The following FHIP1A variants were observed in gnomAD, a reference collection of about 807,000 sequenced individuals.
FHIP1A encodes the protein FHF complex subunit HOOK-interacting protein 1A.
FHIP1A carries 61 observed loss-of-function variants against 88.6 expected under a neutral mutation model. That is an observed-to-expected ratio of 0.69 (90% CI 0.56 to 0.85). FHIP1A has a LOEUF of 0.85. Among genes scored for constraint, FHIP1A ranks in the 40% least tolerant of loss-of-function variants. The probability of loss-of-function intolerance (pLI) is 0.00; values close to 1 mark genes in which losing one functional copy is unlikely to be tolerated. For synonymous variants in FHIP1A, 478 were observed against 496.0 expected (o/e 0.96, Z 0.48); for missense variants, 1,154 against 1,273.5 (o/e 0.91, Z 1.43).
chr4:151,582,693 G>A (rs192059125), intron 5 of FHIP1A, among the ~76,000 whole-genome samples: 156 of 152,216 alleles, frequency 1.0e-3, no homozygotes, highest in Non-Finnish European at 1.9e-3. Context: ...AAAAATAAGT[G>A]CAAATAAGTG....
At chr4:151,660,058 T>C (rs1408857452) in intron 13 of FHIP1A, among the ~76,000 whole-genome samples, 1 of 152,206 alleles carries the variant, frequency 6.6e-6, no homozygotes, top group Admixed American at 6.5e-5. Context: ...GGCCCCAGTT[T>C]ACAGAGATGG....
At chr4:151,463,099 C>T (rs1022985022) in intron 2 of FHIP1A, among the ~76,000 whole-genome samples, 3 of 152,166 alleles carry the variant, frequency 2.0e-5, no homozygotes, top group Non-Finnish European at 2.9e-5. Flanking sequence ...ATTGCCAAAG[C>T]AACTCAGAAA....
intron 1 of FHIP1A, among the ~76,000 whole-genome samples, chr4:151,445,269 G>A (rs946248776): frequency 3.9e-5 from 6 of 152,104 alleles, no homozygotes; most frequent in African/African-American, 1.4e-4. Context: ...CCCAGCATAG[G>A]AACCTCAGTC....
chr4:151,562,693 TAA>T (rs1293198386), intron 3 of FHIP1A, among the ~76,000 whole-genome samples: 1 of 152,186 alleles, frequency 6.6e-6, no homozygotes, highest in East Asian at 1.9e-4. Flanking sequence ...GTTTATAATT[TAA>T]GTTTAGTCTG....
intron 7 of FHIP1A, among the ~76,000 whole-genome samples, chr4:151,621,739 G>A (rs1349120508): frequency 6.6e-6 from 1 of 151,974 alleles, no homozygotes; most frequent in Non-Finnish European, 1.5e-5. Flanking sequence ...TCAGCATTCA[G>A]TAGTATTGTC....
intron 2 of FHIP1A, among the ~76,000 whole-genome samples, chr4:151,464,517 A>G (rs1250509026): frequency 6.6e-6 from 1 of 152,186 alleles, no homozygotes; most frequent in African/African-American, 2.4e-5. Context: ...ATGAAGGACT[A>G]CTATATTAAG....
At chr4:151,515,762 A>G (rs1022483034) in intron 3 of FHIP1A, among the ~76,000 whole-genome samples, 15 of 152,172 alleles carry the variant, frequency 9.9e-5, no homozygotes, top group African/African-American at 3.6e-4. Flanking sequence ...GGACCTCTTC[A>G]AGGAGAACTA....
chr4:151,533,241 A>T (rs1731944488), intron 3 of FHIP1A, among the ~76,000 whole-genome samples: 1 of 152,034 alleles, frequency 6.6e-6, no homozygotes, highest in African/African-American at 2.4e-5. Flanking sequence ...CAAAAATTTT[A>T]AAAAATTAGC....
At chr4:151,418,122 GGAT>G (rs946756228) in intron 1 of FHIP1A, among the ~76,000 whole-genome samples, 1 of 141,130 alleles carries the variant, frequency 7.1e-6, no homozygotes, top group Non-Finnish European at 1.5e-5. Flanking sequence ...CAGTGACACA[GGAT>G]GATGTCACTG....
At chr4:151,426,999 T>G (rs4566638) in intron 1 of FHIP1A, among the ~76,000 whole-genome samples, 53,420 of 151,862 alleles carry the variant, frequency 0.35, 9,998 homozygotes, top group Non-Finnish European at 0.43. Context: ...ATATCAGAAG[T>G]GTAATATTTC....
At chr4:151,646,502 C>T (rs1174287668) in intron 9 of FHIP1A, 56 bp from the exon 10 acceptor site, 1 of 1,269,318 alleles carries the variant, frequency 7.9e-7, no homozygotes, top group Non-Finnish European at 1.1e-6. Flanking sequence ...TAGTTAGTCC[C>T]AGTAATGGTT....
chr4:151,654,893 CAT>C (rs1737170214), intron 11 of FHIP1A, among the ~76,000 whole-genome samples: 1 of 152,192 alleles, frequency 6.6e-6, no homozygotes, highest in Non-Finnish European at 1.5e-5. Context: ...AAATGCCACA[CAT>C]GAGGGGATGG....
intron 1 of FHIP1A, among the ~76,000 whole-genome samples, chr4:151,453,450 A>G (rs1728864869): frequency 6.6e-6 from 1 of 152,212 alleles, no homozygotes. Flanking sequence ...TTTGTCATCT[A>G]CAATAGGGAT....
chr4:151,570,272 T>C (rs1578765399), intron 4 of FHIP1A, among the ~76,000 whole-genome samples: 1 of 152,130 alleles, frequency 6.6e-6, no homozygotes, highest in Non-Finnish European at 1.5e-5. Context: ...AGGCACTCCT[T>C]CTTCTTTCTG....
intron 3 of FHIP1A, among the ~76,000 whole-genome samples, chr4:151,564,061 A>G (rs1733284434): frequency 6.6e-6 from 1 of 152,204 alleles, no homozygotes. Context: ...TTGGCTATTT[A>G]TCCTGTCTAT....
intron 3 of FHIP1A, among the ~76,000 whole-genome samples, chr4:151,509,224 G>A (rs10857261): frequency 0.12 from 18,892 of 151,986 alleles, 1,290 homozygotes; most frequent in African/African-American, 0.17. Context: ...GTGCAGTGGC[G>A]TGATCTCGGC....
chr4:151,581,521 A>G (rs1177422753), intron 5 of FHIP1A, among the ~76,000 whole-genome samples: 3 of 152,224 alleles, frequency 2.0e-5, no homozygotes, highest in Non-Finnish European at 1.5e-5. Flanking sequence ...TTATAAAAAC[A>G]TATTTTAAAA....
intron 7 of FHIP1A, among the ~76,000 whole-genome samples, chr4:151,595,931 A>G (rs1734629920): frequency 6.6e-6 from 1 of 152,098 alleles, no homozygotes; most frequent in Non-Finnish European, 1.5e-5. Flanking sequence ...TGCACATGAG[A>G]TGGGTCTCCT....
chr4:151,657,030 C>T (rs980842352), intron 13 of FHIP1A, 132 bp downstream of exon 13: 16 of 946,904 alleles, frequency 1.7e-5, no homozygotes, highest in African/African-American at 5.0e-5. Context: ...CATTTTTATG[C>T]AACAGGGAGG....
Sources: allele counts gnomAD v4.1 joint callset (sites outside exome capture counted in the v4.1 genomes callset), GRCh38; gene constraint gnomAD v4.1.1; transcripts MANE v1.5; gene names NCBI Gene and HGNC (gene_info 2026-07-23, HGNC 2026-07-21).